The following HECW1 variants were observed in gnomAD, a reference collection of about 807,000 sequenced individuals.
HECW1 encodes HECT, C2 and WW domain containing E3 ubiquitin protein ligase 1, also known as E3 ubiquitin-protein ligase HECW1.
Under a neutral mutation model 182.3 loss-of-function variants are expected in HECW1, and 61 were observed. The ratio of observed to expected loss-of-function variants is 0.33; its 90% CI spans 0.27 to 0.41. The LOEUF (loss-of-function observed/expected upper bound fraction) is 0.41. HECW1 is among the 10% of genes least tolerant of loss of function. HECW1 has a pLI of 1.00. For synonymous variants in HECW1, 859 were observed against 832.6 expected (o/e 1.03, Z -0.55); for missense variants, 1,739 against 2,108.9 (o/e 0.82, Z 3.44).
chr7:43,556,462 G>A (rs761033400), intron 29 of HECW1, among the ~76,000 whole-genome samples: 1 of 152,144 alleles, frequency 6.6e-6, no homozygotes, highest in Non-Finnish European at 1.5e-5. Flanking sequence ...TAAGGCAGGC[G>A]GATAGCTTGC....
chr7:43,505,606 C>A (rs1484673756), intron 21 of HECW1, among the ~76,000 whole-genome samples: 1 of 152,202 alleles, frequency 6.6e-6, no homozygotes, highest in Non-Finnish European at 1.5e-5. Context: ...GTGCTCCAGA[C>A]AAACTGGAGT....
chr7:43,508,191 C>T (rs2079672629), intron 23 of HECW1, 60 bp downstream of exon 23: 6 of 1,134,450 alleles, frequency 5.3e-6, no homozygotes, highest in Admixed American at 1.8e-5. Context: ...GCCTCAGGGT[C>T]AGGGGTGATT....
intron 3 of HECW1, among the ~76,000 whole-genome samples, chr7:43,287,266 A>T (rs1424994050): frequency 1.3e-5 from 2 of 152,048 alleles, no homozygotes; most frequent in African/African-American, 4.8e-5. Flanking sequence ...TACTGTGGAG[A>T]TGCTGGAATG....
At chr7:43,514,833 C>A (rs2080067124) in intron 24 of HECW1, among the ~76,000 whole-genome samples, 2 of 151,968 alleles carry the variant, frequency 1.3e-5, no homozygotes, top group Admixed American at 1.3e-4. Flanking sequence ...ACATTATAAC[C>A]CACATACTGA....
At chr7:43,532,830 A>G (rs543285918) in intron 24 of HECW1, among the ~76,000 whole-genome samples, 2 of 152,332 alleles carry the variant, frequency 1.3e-5, no homozygotes, top group East Asian at 1.9e-4. Flanking sequence ...TGGGGTAGGA[A>G]GTACACTTAC....
rs145494487 is a variant in HECW1 at position 43,234,116 on chromosome 7, C to T, written c.-31-9759C>T. Among the ~76,000 whole-genome samples the T allele has an allele frequency of 1.9e-3, 287 of 152,310 alleles. 1 individual carries two copies. Among genetic ancestry groups the T allele is most frequent in the Middle Eastern group, 0.01 (3 of 294 alleles). On this transcript the variant is annotated intron_variant, in intron 2 of 29. Coordinates refer to ENST00000395891, the MANE Select transcript of HECW1 (RefSeq NM_015052.5). ...ATCCACAGACTTTACAAATTACATG[C>T]AATACCGCCCTGCCAGTGACAGCTC...
At chr7:43,172,794 C>T (rs1029694856) in intron 2 of HECW1, among the ~76,000 whole-genome samples, 8 of 152,188 alleles carry the variant, frequency 5.3e-5, no homozygotes, top group African/African-American at 1.9e-4. Context: ...CTCTTATTTT[C>T]TGAGTGGCAT....
chr7:43,429,203 G>A lies in HECW1; in HGVS notation c.802-8800G>A, dbSNP rs2076453246. 1.1e-4 allele frequency among the ~76,000 whole-genome samples: 17 copies of A among 148,828 alleles called. 1 individual carries two copies. The South Asian group carries it at 3.6e-3, about 32-fold the overall frequency. ...GGCTGAGGATTCTCATATGGAGAGAGATGGTGAAGGCTTGATCAAAATCCA... is the reference window on the plus strand; with the variant it reads ...GGCTGAGGATTCTCATATGGAGAGAAATGGTGAAGGCTTGATCAAAATCCA... On this transcript the variant is annotated intron_variant, in intron 8 of 29. Coordinates refer to ENST00000395891, the MANE Select transcript of HECW1 (RefSeq NM_015052.5).
intron 5 of HECW1, among the ~76,000 whole-genome samples, chr7:43,322,536 C>T (rs765047472): frequency 1.7e-4 from 26 of 152,270 alleles, no homozygotes; most frequent in Non-Finnish European, 3.2e-4. Flanking sequence ...AACATAAACT[C>T]GCCCTCAGCC....
intron 6 of HECW1, among the ~76,000 whole-genome samples, chr7:43,396,431 A>G (rs1448583678): frequency 6.6e-6 from 1 of 152,246 alleles, no homozygotes; most frequent in Admixed American, 6.5e-5. Context: ...ATGGAAATAC[A>G]TTATAATTAC....
chr7:43,287,538 A>G (rs1421414195), intron 3 of HECW1, among the ~76,000 whole-genome samples: 1 of 152,170 alleles, frequency 6.6e-6, no homozygotes, highest in Non-Finnish European at 1.5e-5. Context: ...GGGTCTCACT[A>G]TATTGCCCAG....
chr7:43,309,351 A>G (rs766158002), intron 3 of HECW1, among the ~76,000 whole-genome samples: 1 of 152,178 alleles, frequency 6.6e-6, no homozygotes, highest in Non-Finnish European at 1.5e-5. Flanking sequence ...CTTACCCCGG[A>G]CAAATGTCAT....
At chr7:43,544,072 A>G (rs2081466259) in intron 26 of HECW1, among the ~76,000 whole-genome samples, 1 of 152,208 alleles carries the variant, frequency 6.6e-6, no homozygotes, top group South Asian at 2.1e-4. Flanking sequence ...AAATTTTTAA[A>G]AAAGGAAAAA....
chr7:43,287,123 T>G (rs1421356859), intron 3 of HECW1, among the ~76,000 whole-genome samples: 1 of 152,144 alleles, frequency 6.6e-6, no homozygotes, highest in Non-Finnish European at 1.5e-5. Flanking sequence ...AAATGAACAA[T>G]AAACTAACGG....
intron 5 of HECW1, among the ~76,000 whole-genome samples, chr7:43,336,141 TCTTTCTCTC>T (rs1812206190): frequency 3.1e-5 from 2 of 64,582 alleles, no homozygotes; most frequent in Admixed American, 3.7e-4. Flanking sequence ...TCTCTCTCTC[TCTTTCTCTC>T]TCTCTCTCTC....
chr7:43,544,536 T>C (rs2152955281), intron 26 of HECW1, among the ~76,000 whole-genome samples: 1 of 152,344 alleles, frequency 6.6e-6, no homozygotes, highest in Middle Eastern at 3.4e-3. Flanking sequence ...TCACTCTCTA[T>C]GAAAGGCACT....
At chr7:43,490,882 C>T (rs1323904880) in intron 17 of HECW1, among the ~76,000 whole-genome samples, 1 of 152,058 alleles carries the variant, frequency 6.6e-6, no homozygotes, top group Non-Finnish European at 1.5e-5. Context: ...CTCAGCCTTC[C>T]GAGTAGCTAG....
intron 9 of HECW1, 160 bp downstream of exon 9, chr7:43,438,305 T>C: frequency 5.1e-6 from 3 of 590,254 alleles, no homozygotes. Flanking sequence ...TGAGCCAACA[T>C]AAGTGTTTGT....
At chr7:43,349,958 C>T (rs1043858455) in intron 5 of HECW1, among the ~76,000 whole-genome samples, 1 of 151,904 alleles carries the variant, frequency 6.6e-6, no homozygotes, top group Admixed American at 6.6e-5. Flanking sequence ...TTTATAGGTC[C>T]TGTGTGATTT....
Sources: gnomAD v4.1 joint callset for allele counts (sites outside exome capture counted in the v4.1 genomes callset) on GRCh38, gnomAD v4.1.1 for gene constraint, MANE v1.5 for transcripts, NCBI Gene and HGNC (gene_info 2026-07-23, HGNC 2026-07-21) for gene names.